DOP1B: variants seen among roughly 807,000 people sequenced by gnomAD.
The protein encoded by DOP1B is DOP1 leucine zipper like protein B.
In DOP1B, 174 loss-of-function variants were observed where a neutral mutation model predicts 233.5. The observed-to-expected ratio is 0.75, with a 90% CI of 0.66 to 0.85. DOP1B has a LOEUF of 0.85. Among genes scored for constraint, DOP1B ranks in the 40% least tolerant of loss-of-function variants. The probability of loss-of-function intolerance (pLI) is 0.00; values close to 1 mark genes in which losing one functional copy is unlikely to be tolerated. For missense variants in DOP1B, 2,652 were observed against 2,846.6 expected (o/e 0.93, Z 1.56); for synonymous variants, 1,190 against 1,185.6 (o/e 1.00, Z -0.08).
At chr21:36,176,938 G>A (rs1485604565) in intron 2 of DOP1B, among the ~76,000 whole-genome samples, 2 of 151,966 alleles carry the variant, frequency 1.3e-5, no homozygotes. Context: ...CCTGCCCCAG[G>A]CTCCTGAGTA....
At chr21:36,288,901 C>T in intron 34 of DOP1B, 90 bp downstream of exon 34, 1 of 1,449,958 alleles carries the variant, frequency 6.9e-7, no homozygotes, top group Non-Finnish European at 9.5e-7. Context: ...ATGTTAAATG[C>T]TGTTATCTTG....
At chr21:36,253,709 G>T in intron 22 of DOP1B, 63 bp from the exon 23 acceptor site, 1 of 1,558,182 alleles carries the variant, frequency 6.4e-7, no homozygotes, top group Non-Finnish European at 8.8e-7. Flanking sequence ...CAATAAGGAT[G>T]TGTCATCCTT....
At chr21:36,176,220 T>C (rs1440373072) in intron 2 of DOP1B, among the ~76,000 whole-genome samples, 1 of 151,938 alleles carries the variant, frequency 6.6e-6, no homozygotes, top group Non-Finnish European at 1.5e-5. Flanking sequence ...ACCAGCTTAT[T>C]TATGGGGCAC....
intron 9 of DOP1B, among the ~76,000 whole-genome samples, chr21:36,215,243 T>G: frequency 6.6e-6 from 1 of 152,132 alleles, no homozygotes; most frequent in South Asian, 2.1e-4. Flanking sequence ...GCAAGCCACT[T>G]CTTTTCACTG....
intron 23 of DOP1B, among the ~76,000 whole-genome samples, chr21:36,255,568 GACCACACATGCACACC>G (rs759567342): frequency 2.4e-4 from 36 of 151,672 alleles, no homozygotes; most frequent in Non-Finnish European, 4.4e-4. Context: ...AAATAGCTGA[GACCACACATGCACACC>G]ACCACACCTG....
At position 36,269,249 on chromosome 21, in the gene DOP1B, G is replaced by A. The variant is rs144572541; in HGVS notation, c.5488-764G>A. 8.2e-4 allele frequency among the ~76,000 whole-genome samples: 125 copies of A among 151,778 alleles called. 3 individuals are homozygous for A. The East Asian group carries it at 0.023, about 28-fold the overall frequency. ...AGGCTCACTGCAACCTCCACCTCCC[G>A]GGTTCAAGTGTTTCTCTTGCCTCAG... is the stretch of plus-strand genomic sequence containing the variant. On this transcript the variant is annotated intron_variant, in intron 26 of 36. Coordinates refer to ENST00000691173, the MANE Select transcript of DOP1B (RefSeq NM_001320714.2).
chr21:36,227,690 T>G lies in DOP1B; in HGVS notation c.1478T>G (p.Leu493Arg). ...VFLLDVIPLE[L>R]YSEVQTQYLP... ...ACCTACACGTTTATTTCACAGGAAC[T>G]TTACTCTGAGGTGCAAACCCAGTAT... The change falls in exon 13 of 37, where the codon CTT (leucine) becomes CGT (arginine). Residue 493 changes from leucine (L) to arginine (R), a missense_variant. Physicochemically the swap from Leu to Arg is moderately radical, Grantham distance 102. This residue lies in a region of DOP1B where 2,617 missense variants were observed against 2,794.3 expected (regional missense o/e 0.94). Transcript: ENST00000691173. 3 of 1,538,460 alleles carry G rather than the reference T, an allele frequency of 1.9e-6. No individual in the cohort carries two copies. Among genetic ancestry groups the G allele is most frequent in the Non-Finnish European group, 2.6e-6 (3 of 1,134,950 alleles).
rs1303022178 is a variant in DOP1B, at chr21:36,270,159, T to C, written c.5632+2T>C. 6.2e-7 allele frequency: 1 copy of C among 1,613,402 alleles called. No individual in the cohort carries two copies. The highest frequency in any genetic ancestry group is 1.7e-5 in the Admixed American group (1 of 59,872). ...CTGATGCTGAGGAGGACCTGTATGGTAGGTGGAGATGGGTTGGCTGATAGT... is the reference window on the plus strand; with the variant it reads ...CTGATGCTGAGGAGGACCTGTATGGCAGGTGGAGATGGGTTGGCTGATAGT... On this transcript the variant is annotated splice_donor_variant, in intron 27 of 36. Coordinates refer to ENST00000691173, the MANE Select transcript of DOP1B (RefSeq NM_001320714.2). LOFTEE classifies it high-confidence loss of function.
chr21:36,164,727 A>G lies in DOP1B; in HGVS notation c.-7A>G. The G allele has an allele frequency of 2.6e-6, 4 of 1,566,536 alleles. No individual in the cohort carries two copies. Among genetic ancestry groups the G allele is most frequent in the Non-Finnish European group, 3.4e-6 (4 of 1,159,506 alleles). On this transcript the variant is annotated 5_prime_UTR_variant, in exon 2 of 37. An upstream start codon of the reference 5' UTR is lost. Transcript: ENST00000691173. ...TTTTAGATACTTTTCTGCTGTGAGA[A>G]TGTAAGATGGATCCAGAAGAGCAGG...
At chr21:36,286,863 C>T (rs936849394) in intron 32 of DOP1B, among the ~76,000 whole-genome samples, 17 of 151,870 alleles carry the variant, frequency 1.1e-4, no homozygotes, top group African/African-American at 4.1e-4. Context: ...ACTCTGGAGG[C>T]TGAGGCAGGA....
chr21:36,228,839 T>A (rs2066725042), intron 13 of DOP1B, among the ~76,000 whole-genome samples: 1 of 151,084 alleles, frequency 6.6e-6, no homozygotes, highest in Non-Finnish European at 1.5e-5. Flanking sequence ...GGCATGGTGG[T>A]GTTCACCTGT....
chr21:36,249,309 T>A (rs182350762), intron 21 of DOP1B, among the ~76,000 whole-genome samples: 1 of 152,022 alleles, frequency 6.6e-6, no homozygotes, highest in Admixed American at 6.6e-5. Context: ...GCACCTGTAG[T>A]CCGAGCTACT....
At chr21:36,223,712 T>C (rs914411339) in intron 11 of DOP1B, among the ~76,000 whole-genome samples, 1 of 152,160 alleles carries the variant, frequency 6.6e-6, no homozygotes, top group South Asian at 2.1e-4. Flanking sequence ...CTGGATAGAG[T>C]GTTTTTGAAA....
At chr21:36,251,433 A>G (rs542615485) in intron 22 of DOP1B, 149 bp downstream of exon 22, 52 of 1,259,640 alleles carry the variant, frequency 4.1e-5, no homozygotes, top group Non-Finnish European at 5.3e-5. Context: ...TTCTTTATCT[A>G]TTTGAGATGG....
chr21:36,264,396 G>A (rs1210106303), intron 26 of DOP1B, among the ~76,000 whole-genome samples: 2 of 152,052 alleles, frequency 1.3e-5, no homozygotes, highest in Non-Finnish European at 2.9e-5. Context: ...TGGCAACAGA[G>A]AGAGATCCTG....
At chr21:36,192,781 G>C (rs1469328053) in intron 2 of DOP1B, among the ~76,000 whole-genome samples, 1 of 151,708 alleles carries the variant, frequency 6.6e-6, no homozygotes, top group African/African-American at 2.4e-5. Flanking sequence ...TCCACCTCCT[G>C]GGTTCACACC....
intron 18 of DOP1B, among the ~76,000 whole-genome samples, chr21:36,244,122 G>A (rs1373763310): frequency 7.0e-6 from 1 of 142,826 alleles, no homozygotes; most frequent in East Asian, 2.0e-4. Context: ...CATCTTTCAG[G>A]TTCAAGTGAT....
chr21:36,166,644 C>G (rs1387879794), intron 2 of DOP1B, among the ~76,000 whole-genome samples: 1 of 152,170 alleles, frequency 6.6e-6, no homozygotes, highest in Non-Finnish European at 1.5e-5. Context: ...TAAGCTGTAC[C>G]TGGCTCTGTT....
chr21:36,188,980 T>C (rs2066198207), intron 2 of DOP1B, among the ~76,000 whole-genome samples: 1 of 152,192 alleles, frequency 6.6e-6, no homozygotes, highest in Non-Finnish European at 1.5e-5. Context: ...TGTGGTAAAA[T>C]ACATATAACA....
Sources: allele counts gnomAD v4.1 joint callset (sites outside exome capture counted in the v4.1 genomes callset), GRCh38; gene constraint gnomAD v4.1.1; regional missense constraint gnomAD v4.1.1; transcripts MANE v1.5; gene names NCBI Gene and HGNC (gene_info 2026-07-23, HGNC 2026-07-21).